Variants in PRKN observed in about 807,000 individuals in gnomAD.
The protein encoded by PRKN is E3 ubiquitin-protein ligase parkin.
Under a neutral mutation model 59.5 loss-of-function variants are expected in PRKN, and 56 were observed. The ratio of observed to expected loss-of-function variants is 0.94; its 90% CI spans 0.76 to 1.18. The LOEUF (loss-of-function observed/expected upper bound fraction) is 1.18. PRKN is among the 50% of genes most tolerant of loss of function. PRKN has a pLI of 0.00. For synonymous variants in PRKN, 250 were observed against 222.1 expected (o/e 1.13, Z -1.12); for missense variants, 657 against 596.4 (o/e 1.10, Z -1.06).
intron 3 of PRKN, among the ~76,000 whole-genome samples, chr6:162,208,972 T>G (rs1785076363): frequency 6.6e-6 from 1 of 152,082 alleles, no homozygotes; most frequent in African/African-American, 2.4e-5. Flanking sequence ...GACTAAAATG[T>G]CAGACCTAAA....
chr6:161,959,113 C>T (rs866553555), intron 6 of PRKN, among the ~76,000 whole-genome samples: 9 of 152,056 alleles, frequency 5.9e-5, no homozygotes, highest in African/African-American at 2.2e-4. Flanking sequence ...TAATACTGTC[C>T]TAAACAACTT....
At chr6:162,566,625 G>A (rs1780093229) in intron 1 of PRKN, among the ~76,000 whole-genome samples, 1 of 151,896 alleles carries the variant, frequency 6.6e-6, no homozygotes, top group Non-Finnish European at 1.5e-5. Context: ...CAAGTAACAA[G>A]ATTAAAGCCA....
chr6:161,796,547 AATT>A (rs1790857292), intron 6 of PRKN, among the ~76,000 whole-genome samples: 2 of 152,180 alleles, frequency 1.3e-5, no homozygotes, highest in Admixed American at 1.3e-4. Context: ...AGAAACTAAA[AATT>A]CCAAAGGGTA....
intron 9 of PRKN, among the ~76,000 whole-genome samples, chr6:161,486,506 C>T (rs1415654813): frequency 2.0e-5 from 3 of 152,146 alleles, no homozygotes; most frequent in African/African-American, 7.2e-5. Flanking sequence ...GGTGAGTTAA[C>T]AGAGGCTCGG....
intron 1 of PRKN, among the ~76,000 whole-genome samples, chr6:162,549,328 C>T (rs1234557519): frequency 6.6e-6 from 1 of 152,106 alleles, no homozygotes; most frequent in Non-Finnish European, 1.5e-5. Flanking sequence ...GTTACAGAAG[C>T]CCAAACTGAC....
At chr6:161,757,038 T>C (rs183740132) in intron 7 of PRKN, among the ~76,000 whole-genome samples, 1 of 152,228 alleles carries the variant, frequency 6.6e-6, no homozygotes, top group Admixed American at 6.5e-5. Flanking sequence ...TAAATACCAA[T>C]AATATAAAAG....
intron 1 of PRKN, among the ~76,000 whole-genome samples, chr6:162,692,110 T>G (rs1208676982): frequency 6.6e-6 from 1 of 151,746 alleles, no homozygotes; most frequent in East Asian, 1.9e-4. Flanking sequence ...TGCCCATGCC[T>G]ATGCCTGCAC....
chr6:161,681,806 C>T (rs1255352730), intron 7 of PRKN, among the ~76,000 whole-genome samples: 5 of 152,188 alleles, frequency 3.3e-5, no homozygotes, highest in Admixed American at 2.6e-4. Context: ...ATATGTGTGG[C>T]CAGATAATGT....
chr6:161,469,567 G>C (rs957105367), intron 9 of PRKN, among the ~76,000 whole-genome samples: 10 of 139,582 alleles, frequency 7.2e-5, no homozygotes, highest in African/African-American at 2.9e-4. Flanking sequence ...GAGAGAGAGA[G>C]AGAGAAAGAG....
chr6:161,590,328 T>C (rs1781672306), intron 7 of PRKN, among the ~76,000 whole-genome samples: 1 of 152,084 alleles, frequency 6.6e-6, no homozygotes, highest in Admixed American at 6.5e-5. Context: ...TTGGGTACGG[T>C]GGATCACGCC....
At chr6:161,737,454 T>C (rs1485815956) in intron 7 of PRKN, among the ~76,000 whole-genome samples, 3 of 152,160 alleles carry the variant, frequency 2.0e-5, no homozygotes, top group African/African-American at 7.2e-5. Flanking sequence ...TAAAGCAGCT[T>C]TAACAAGGGA....
chr6:162,617,756 TAA>T (rs1344571055), intron 1 of PRKN, among the ~76,000 whole-genome samples: 23 of 106,036 alleles, frequency 2.2e-4, no homozygotes, highest in Non-Finnish European at 4.0e-4. Context: ...ATCTGAAAAA[TAA>T]TTTTTTTTTG....
chr6:162,190,369 C>G (rs1784222922), intron 4 of PRKN, among the ~76,000 whole-genome samples: 1 of 152,176 alleles, frequency 6.6e-6, no homozygotes, highest in Non-Finnish European at 1.5e-5. Flanking sequence ...AAAACAGAGT[C>G]CAGTGAATTT....
chr6:162,050,764 G>A (rs1777603007), intron 5 of PRKN, among the ~76,000 whole-genome samples: 1 of 152,124 alleles, frequency 6.6e-6, no homozygotes, highest in African/African-American at 2.4e-5. Context: ...CGTGGTCCAT[G>A]CGGAGCACTG....
chr6:162,634,816 G>A (rs1442310490), intron 1 of PRKN, among the ~76,000 whole-genome samples: 1 of 152,110 alleles, frequency 6.6e-6, no homozygotes, highest in East Asian at 1.9e-4. Context: ...TAGAGACGGG[G>A]TTTCACCATG....
intron 6 of PRKN, 147 bp downstream of exon 6, chr6:161,973,155 A>G: frequency 3.0e-6 from 2 of 676,006 alleles, no homozygotes. Context: ...ATCAAAATAA[A>G]GCAGACACTC....
rs1783253032 is a variant in PRKN, at chr6:162,171,134, T to C, written c.534+29997A>G. On this transcript the variant is annotated intron_variant, in intron 4 of 11. Coordinates refer to ENST00000366898, the MANE Select transcript of PRKN (RefSeq NM_004562.3). ...CCATTGCCTCTTGGTGGTCTGAGGC[T>C]GGTAAATACACAGGCAGGAACTACG... Among the ~76,000 whole-genome samples, 4 of 151,966 alleles carry C rather than the reference T, an allele frequency of 2.6e-5. No homozygotes were observed. In the South Asian group the frequency reaches 8.3e-4, roughly 32 times the overall value.
intron 9 of PRKN, among the ~76,000 whole-genome samples, chr6:161,507,506 T>C (rs1452634321): frequency 6.6e-6 from 1 of 152,172 alleles, no homozygotes; most frequent in Non-Finnish European, 1.5e-5. Context: ...AATTATAATC[T>C]ACAATCTCTT....
rs144203321 is a variant in PRKN, at chr6:161,779,596, C to A, written c.871+6176G>T. 4.0e-5 allele frequency among the ~76,000 whole-genome samples: 6 copies of A among 151,638 alleles called. No individual in the cohort carries two copies. In the South Asian group the frequency reaches 8.4e-4, roughly 21 times the overall value. On this transcript the variant is annotated intron_variant, in intron 7 of 11. Transcript: ENST00000366898. ...AGTAGCTGGGATTATAGGCATGTGC[C>A]ACCACACCTAGCTAATTTTTGTATT...
Sources: gnomAD v4.1 joint callset for allele counts (sites outside exome capture counted in the v4.1 genomes callset) on GRCh38, gnomAD v4.1.1 for gene constraint, MANE v1.5 for transcripts, NCBI Gene and HGNC (gene_info 2026-07-23, HGNC 2026-07-21) for gene names.